Variants in SORCS2 observed in about 807,000 individuals in gnomAD.
SORCS2 encodes the protein VPS10 domain-containing receptor SorCS2.
SORCS2 carries 100 observed loss-of-function variants against 141.6 expected under a neutral mutation model. The observed-to-expected ratio is 0.71, with a 90% CI of 0.60 to 0.83. SORCS2 has a LOEUF of 0.83. Ranked by LOEUF, SORCS2 falls within the 40% of genes least tolerant of loss-of-function variation. The pLI, the probability that SORCS2 is intolerant of heterozygous loss-of-function variation, is 0.00. For missense variants in SORCS2, 1,646 were observed against 1,560.2 expected (o/e 1.05, Z -0.93); for synonymous variants, 789 against 676.9 (o/e 1.17, Z -2.57).
chr4:7,511,753 C>T (rs555922178), intron 2 of SORCS2, among the ~76,000 whole-genome samples: 41 of 152,236 alleles, frequency 2.7e-4, no homozygotes, highest in African/African-American at 7.7e-4. Flanking sequence ...CTGGCTTCCC[C>T]GTCTGGAATT....
At chr4:7,426,826 G>A (rs1001058478) in intron 2 of SORCS2, among the ~76,000 whole-genome samples, 1 of 152,316 alleles carries the variant, frequency 6.6e-6, no homozygotes, top group South Asian at 2.1e-4. Context: ...CGGCAGTGAA[G>A]CCCGTGTTTC....
At chr4:7,715,947 C>T (rs1195167049) in intron 17 of SORCS2, among the ~76,000 whole-genome samples, 1 of 152,238 alleles carries the variant, frequency 6.6e-6, no homozygotes, top group Admixed American at 6.5e-5. Flanking sequence ...CCACAACACA[C>T]AGTAGGTGTT....
In SORCS2 at chr4:7,740,294, C is replaced by T. The variant is rs762826436; in HGVS notation, c.*30C>T. 87 of 1,599,888 alleles carry T rather than the reference C, an allele frequency of 5.4e-5. 1 individual carries two copies. Among genetic ancestry groups the T allele is most frequent in the South Asian group, 3.5e-4 (32 of 90,154 alleles). On this transcript the variant is annotated 3_prime_UTR_variant, in exon 27 of 27. Coordinates refer to ENST00000507866, the MANE Select transcript of SORCS2 (RefSeq NM_020777.3). ...ACCCCAGCATCTGTCTTTTCACCCA[C>T]GGAGGGCACAGAACCACCAGCAAAG...
At chr4:7,224,856 C>T (rs974297209) in intron 1 of SORCS2, among the ~76,000 whole-genome samples, 2 of 152,212 alleles carry the variant, frequency 1.3e-5, no homozygotes, top group Non-Finnish European at 2.9e-5. Flanking sequence ...GGGGGCCGAA[C>T]GGACCTGGAG....
chr4:7,589,640 A>T (rs1405297378), intron 3 of SORCS2, among the ~76,000 whole-genome samples: 1 of 152,136 alleles, frequency 6.6e-6, no homozygotes, highest in East Asian at 1.9e-4. Context: ...TGACCTCATG[A>T]TCTGCCCACC....
intron 2 of SORCS2, among the ~76,000 whole-genome samples, chr4:7,450,935 A>G (rs1019744667): frequency 3.9e-5 from 6 of 152,128 alleles, no homozygotes; most frequent in Non-Finnish European, 5.9e-5. Flanking sequence ...TGAGGGAATG[A>G]GTGAGTAAAT....
intron 1 of SORCS2, among the ~76,000 whole-genome samples, chr4:7,350,720 C>G (rs1397102033): frequency 6.6e-6 from 1 of 152,248 alleles, no homozygotes; most frequent in Non-Finnish European, 1.5e-5. Context: ...CAGTCCTTCT[C>G]TTGGGCTTTA....
At chr4:7,428,337 C>T (rs1242290353) in intron 2 of SORCS2, among the ~76,000 whole-genome samples, 6 of 152,188 alleles carry the variant, frequency 3.9e-5, no homozygotes, top group South Asian at 2.1e-4. Flanking sequence ...GAAGAGCCAG[C>T]GTTCATTCGC....
intron 2 of SORCS2, among the ~76,000 whole-genome samples, chr4:7,402,127 C>T (rs935342820): frequency 6.6e-6 from 1 of 152,102 alleles, no homozygotes; most frequent in Non-Finnish European, 1.5e-5. Flanking sequence ...CAGTTTTTAC[C>T]ACACCAGAGC....
At chr4:7,595,707 G>A (rs1717228138) in intron 3 of SORCS2, among the ~76,000 whole-genome samples, 1 of 152,130 alleles carries the variant, frequency 6.6e-6, no homozygotes, top group African/African-American at 2.4e-5. Context: ...ACAGGGCCTG[G>A]CACTTACTCA....
At chr4:7,496,647 A>C (rs1350285504) in intron 2 of SORCS2, among the ~76,000 whole-genome samples, 2 of 152,052 alleles carry the variant, frequency 1.3e-5, no homozygotes, top group Non-Finnish European at 2.9e-5. Context: ...AGTGGCCGGG[A>C]GAAAGGACAG....
chr4:7,577,640 C>G (rs1477296569), intron 3 of SORCS2, among the ~76,000 whole-genome samples: 1 of 147,548 alleles, frequency 6.8e-6, no homozygotes, highest in Admixed American at 6.8e-5. Flanking sequence ...GCGAAGTCAG[C>G]TAGTGCCATG....
In SORCS2 at chr4:7,648,059, A is replaced by T. The variant is rs1318502089; in HGVS notation, c.814-6075A>T. On this transcript the variant is annotated intron_variant, in intron 4 of 26. Coordinates refer to ENST00000507866, the MANE Select transcript of SORCS2 (RefSeq NM_020777.3). The surrounding 1 kb of genome is among the most constrained non-coding windows in gnomAD (Gnocchi z 4.2). The stretch of plus-strand genomic sequence containing the variant: ...GAGTGGGGAAGTGGGGTGGCCTGAG[A>T]TGGAATGGGGTGCCGGCCCCTGAGG... Among the ~76,000 whole-genome samples the T allele has an allele frequency of 6.6e-6, 1 of 151,844 alleles. No homozygotes were observed. The highest frequency in any genetic ancestry group is 1.5e-5 in the Non-Finnish European group (1 of 67,958).
At chr4:7,506,284 C>T (rs1732273970) in intron 2 of SORCS2, among the ~76,000 whole-genome samples, 1 of 152,192 alleles carries the variant, frequency 6.6e-6, no homozygotes, top group Non-Finnish European at 1.5e-5. Context: ...AATCTGTCAA[C>T]AGTGGAGGCT....
intron 2 of SORCS2, among the ~76,000 whole-genome samples, chr4:7,414,048 C>T (rs16840257): frequency 0.047 from 7,158 of 152,274 alleles, 276 homozygotes; most frequent in East Asian, 0.13. Flanking sequence ...TGAGATCAGC[C>T]TCCTTTCCTG....
chr4:7,427,656 C>T (rs1054976416), intron 2 of SORCS2, among the ~76,000 whole-genome samples: 7 of 152,072 alleles, frequency 4.6e-5, no homozygotes, highest in African/African-American at 1.2e-4. Context: ...GGATCTGCTT[C>T]GTGTGAGACT....
At chr4:7,229,410 C>G (rs535534803) in intron 1 of SORCS2, among the ~76,000 whole-genome samples, 16 of 152,214 alleles carry the variant, frequency 1.1e-4, no homozygotes, top group Non-Finnish European at 2.4e-4. Flanking sequence ...AGGACTCCAT[C>G]CTCTTCCCTT....
chr4:7,724,153 G>GGTGGTGATGGTC (rs1560113031), intron 19 of SORCS2, among the ~76,000 whole-genome samples: 6 of 144,720 alleles, frequency 4.1e-5, no homozygotes, highest in African/African-American at 1.6e-4. Context: ...TGGTCGTGGT[G>GGTGGTGATGGTC]GTGGTGGTGA....
In SORCS2 at chr4:7,742,730, A is replaced by G. The variant is rs1411218511; in HGVS notation, c.*2466A>G. 6.6e-6 allele frequency: 1 copy of G among 152,440 alleles called. No individual in the cohort carries two copies. Among genetic ancestry groups the G allele is most frequent in the Non-Finnish European group, 1.5e-5 (1 of 68,044 alleles). 9.4% of individuals were successfully genotyped at this position (152,440 alleles called of 1,614,324 possible). A position where few individuals can be genotyped will look rare whatever the true frequency, so the allele number is the denominator to read the frequency against. On this transcript the variant is annotated 3_prime_UTR_variant, in exon 27 of 27. Coordinates refer to ENST00000507866, the MANE Select transcript of SORCS2 (RefSeq NM_020777.3). ...AACGAGGCCATCAGCTGCCATGCACATAACAAAGAGACAATGCATTCCTTC... is the reference window on the plus strand; with the variant it reads ...AACGAGGCCATCAGCTGCCATGCACGTAACAAAGAGACAATGCATTCCTTC...
Sources: allele counts gnomAD v4.1 joint callset (sites outside exome capture counted in the v4.1 genomes callset), GRCh38; gene constraint gnomAD v4.1.1; non-coding constraint Gnocchi (gnomAD v3.1); transcripts MANE v1.5; gene names NCBI Gene and HGNC (gene_info 2026-07-23, HGNC 2026-07-21).